MAN2A1: variants seen among roughly 807,000 people sequenced by gnomAD.
MAN2A1 encodes the protein mannosidase alpha class 2A member 1, also known as alpha-mannosidase 2.
In MAN2A1, 76 loss-of-function variants were observed where a neutral mutation model predicts 142.6. The ratio of observed to expected loss-of-function variants is 0.53; its 90% CI spans 0.44 to 0.65. The LOEUF (loss-of-function observed/expected upper bound fraction) is 0.65. MAN2A1 is among the 30% of genes least tolerant of loss of function. The probability of loss-of-function intolerance (pLI) is 0.00; values close to 1 mark genes in which losing one functional copy is unlikely to be tolerated. For synonymous variants in MAN2A1, 559 were observed against 473.2 expected (o/e 1.18, Z -2.35); for missense variants, 1,311 against 1,365.1 (o/e 0.96, Z 0.62).
intron 4 of MAN2A1, among the ~76,000 whole-genome samples, chr5:109,732,912 A>G (rs1582835918): frequency 6.6e-6 from 1 of 151,792 alleles, no homozygotes; most frequent in East Asian, 1.9e-4. Context: ...AATCATTGGT[A>G]GCTTGATGGG....
chr5:109,750,206 A>T (rs748537425), intron 4 of MAN2A1, among the ~76,000 whole-genome samples: 6 of 151,976 alleles, frequency 3.9e-5, no homozygotes, highest in East Asian at 3.9e-4. Context: ...CACTCATCAG[A>T]TGCTTCCTTA....
rs371701801 is a variant in MAN2A1 at position 109,753,039 on chromosome 5, T to C, written c.708-2290T>C. 1.2e-3 allele frequency among the ~76,000 whole-genome samples: 182 copies of C among 152,344 alleles called. 1 individual carries two copies. Among genetic ancestry groups the C allele is most frequent in the South Asian group, 0.011 (54 of 4,828 alleles). On this transcript the variant is annotated intron_variant, in intron 4 of 21. Transcript: ENST00000261483. ...TTTTTCCACTTAATTTTTAGTTTTC[T>C]TAATCTGCAGTTTTTTTCTCTATTC... is the stretch of plus-strand genomic sequence containing the variant.
At chr5:109,758,723 A>G (rs1228658335) in intron 5 of MAN2A1, among the ~76,000 whole-genome samples, 1 of 148,934 alleles carries the variant, frequency 6.7e-6, no homozygotes. Context: ...AACTATTAAT[A>G]TAATTGTTAT....
intron 13 of MAN2A1, 106 bp downstream of exon 13, chr5:109,817,544 G>C: frequency 9.1e-7 from 1 of 1,095,506 alleles, no homozygotes; most frequent in Non-Finnish European, 1.3e-6. Flanking sequence ...GTTGGTGTAT[G>C]TGAGGTGATG....
At chr5:109,734,287 A>G (rs1404795986) in intron 4 of MAN2A1, among the ~76,000 whole-genome samples, 2 of 133,296 alleles carry the variant, frequency 1.5e-5, no homozygotes, top group Non-Finnish European at 3.2e-5. Flanking sequence ...CGGTCTATCA[A>G]TTTTGTTGAT....
chr5:109,798,527 T>C (rs1358463876), intron 12 of MAN2A1, among the ~76,000 whole-genome samples: 1 of 152,216 alleles, frequency 6.6e-6, no homozygotes, highest in Non-Finnish European at 1.5e-5. Flanking sequence ...TGACCAGATA[T>C]GACAGTTTTT....
intron 5 of MAN2A1, among the ~76,000 whole-genome samples, chr5:109,763,499 T>C (rs1338910675): frequency 6.6e-6 from 1 of 151,114 alleles, no homozygotes; most frequent in African/African-American, 2.4e-5. Flanking sequence ...TTTTTATTTT[T>C]AAGTTTTTTT....
chr5:109,833,195 C>T (rs1443731646), intron 16 of MAN2A1, among the ~76,000 whole-genome samples: 25 of 149,220 alleles, frequency 1.7e-4, no homozygotes, highest in Admixed American at 1.6e-3. Flanking sequence ...ACTGGGCGGC[C>T]GGGCAGAGGG....
chr5:109,747,394 T>C (rs1752436025), intron 4 of MAN2A1, among the ~76,000 whole-genome samples: 1 of 152,230 alleles, frequency 6.6e-6, no homozygotes. Context: ...TAAACATTTA[T>C]GAATTTCACT....
At chr5:109,816,880 T>C (rs772806209) in intron 12 of MAN2A1, among the ~76,000 whole-genome samples, 8 of 152,330 alleles carry the variant, frequency 5.3e-5, no homozygotes, top group South Asian at 4.1e-4. Flanking sequence ...CCCTTTGTAC[T>C]GTGTGATATT....
In MAN2A1 at chr5:109,693,191, C is replaced by T. The variant is rs116695525; in HGVS notation, c.135+2639C>T. The stretch of plus-strand genomic sequence containing the variant: ...TTTACTGCTAGAGATTTATACCCTT[C>T]CCAGAATGTCTTTGAGCTCATTTCA... On this transcript the variant is annotated intron_variant, in intron 1 of 21. Transcript: ENST00000261483. Among the ~76,000 whole-genome samples, 262 of 152,236 alleles carry T rather than the reference C, an allele frequency of 1.7e-3. No homozygotes were observed. The Middle Eastern group carries it at 0.027, about 16-fold the overall frequency.
chr5:109,785,351 CTT>C (rs551476336), intron 10 of MAN2A1, among the ~76,000 whole-genome samples: 4 of 142,044 alleles, frequency 2.8e-5, no homozygotes, highest in Admixed American at 7.1e-5. Flanking sequence ...TTGTATACTT[CTT>C]TTTTTTTTTT....
At chr5:109,843,317 A>G (rs2112759082) in intron 17 of MAN2A1, among the ~76,000 whole-genome samples, 1 of 152,146 alleles carries the variant, frequency 6.6e-6, no homozygotes, top group South Asian at 2.1e-4. Flanking sequence ...CATTTATAAA[A>G]CCATCAGATC....
At chr5:109,755,512 G>A (rs757111005) in intron 5 of MAN2A1, 56 bp downstream of exon 5, 34 of 1,380,512 alleles carry the variant, frequency 2.5e-5, no homozygotes, top group Non-Finnish European at 3.4e-5. Flanking sequence ...TTTTCGGGAT[G>A]TGAAGTGAGG....
chr5:109,823,152 A>G (rs1437326287), intron 15 of MAN2A1, among the ~76,000 whole-genome samples: 1 of 152,230 alleles, frequency 6.6e-6, no homozygotes, highest in Non-Finnish European at 1.5e-5. Flanking sequence ...AATAAAAACT[A>G]AACTAGTGGT....
rs563287499 is a variant in MAN2A1, at chr5:109,732,843, C to T, written c.707+3330C>T. Among the ~76,000 whole-genome samples, 546 of 151,462 alleles carry T rather than the reference C, an allele frequency of 3.6e-3. 1 individual carries two copies. Among genetic ancestry groups the T allele is most frequent in the Non-Finnish European group, 6.6e-3 (445 of 67,734 alleles). On this transcript the variant is annotated intron_variant, in intron 4 of 21. Coordinates refer to ENST00000261483, the MANE Select transcript of MAN2A1 (RefSeq NM_002372.4). Reference sequence around the variant, plus strand: ...TTGGCTTAGGATTGACTTGGCGATGCGGGCTCTTTTTTGGTTCCATATGAA... The same window carrying T: ...TTGGCTTAGGATTGACTTGGCGATGTGGGCTCTTTTTTGGTTCCATATGAA...
chr5:109,819,983 T>G (rs1177721323), intron 14 of MAN2A1, 96 bp downstream of exon 14: 4 of 932,868 alleles, frequency 4.3e-6, no homozygotes, highest in East Asian at 2.4e-5. Context: ...AAGTCTTAAG[T>G]AGAGCTGTAT....
Position 109,694,741 on chromosome 5 carries a change from A to T in MAN2A1, c.135+4189A>T, listed in dbSNP as rs59937715. ...TCAGTAGTACTTAAGAGTCCAGCAT[A>T]GTAGATGTTATTAATGAAAGTTGAC... On this transcript the variant is annotated intron_variant, in intron 1 of 21. Coordinates refer to ENST00000261483, the MANE Select transcript of MAN2A1 (RefSeq NM_002372.4). Among the ~76,000 whole-genome samples, 52 of 152,156 alleles carry T rather than the reference A, an allele frequency of 3.4e-4. 1 individual carries two copies. Among genetic ancestry groups the T allele is most frequent in the African/African-American group, 9.2e-4 (38 of 41,500 alleles).
intron 10 of MAN2A1, among the ~76,000 whole-genome samples, chr5:109,785,148 T>A (rs1191670998): frequency 1.3e-5 from 2 of 152,102 alleles, no homozygotes; most frequent in Non-Finnish European, 2.9e-5. Context: ...TTTCTGCAAA[T>A]AGGGTAGTAA....
Sources: allele counts gnomAD v4.1 joint callset (sites outside exome capture counted in the v4.1 genomes callset), GRCh38; gene constraint gnomAD v4.1.1; transcripts MANE v1.5; gene names NCBI Gene and HGNC (gene_info 2026-07-23, HGNC 2026-07-21).